AFAP1: variants seen among roughly 807,000 people sequenced by gnomAD.
The protein encoded by AFAP1 is actin filament-associated protein 1.
In AFAP1, 75 loss-of-function variants were observed where a neutral mutation model predicts 93.9. The ratio of observed to expected loss-of-function variants is 0.80; its 90% confidence interval spans 0.66 to 0.97. The LOEUF (loss-of-function observed/expected upper bound fraction) is 0.97, where lower values mean the gene tolerates loss of function less well. Among genes scored for constraint, AFAP1 ranks in the 50% least tolerant of loss-of-function variants. AFAP1 has a pLI of 0.00. For missense variants in AFAP1, 1,201 were observed against 1,050.8 expected, an observed-to-expected ratio of 1.14 and a Z score of -1.98; for synonymous variants, 517 against 430.7, an observed-to-expected ratio of 1.20 and a Z score of -2.48.
rs375065592 is a variant in AFAP1, at chr4:7,786,288, G to C, written c.1436C>G (p.Ser479Cys). The change falls in exon 12 of 18, where the codon TCT becomes TGT. Residue 479 changes from serine (S) to cysteine (C), a missense_variant. Coordinates refer to ENST00000420658, the MANE Select transcript of AFAP1 (RefSeq NM_001134647.2). Reference sequence around the variant, plus strand: ...GGTGCCCCCTAGATATGGGTTAGCAGATATAACACGCCTGTTCATGAAACT... The same window carrying C: ...GGTGCCCCCTAGATATGGGTTAGCACATATAACACGCCTGTTCATGAAACT... ...TFCFMNRRVI[S>C]ANPYLGGTSN... is the part of the protein sequence containing the mutation. 8 of 1,614,122 alleles carry C rather than the reference G, an allele frequency of 5.0e-6. No individual in the cohort carries two copies. In the South Asian group the frequency reaches 7.7e-5, roughly 16 times the overall value.
At chr4:7,938,866 C>T (rs1721544009) in intron 1 of AFAP1, 1 of 152,144 alleles carries the variant, frequency 6.6e-6, no homozygotes, top group Non-Finnish European at 1.5e-5. Context: ...GTGACAGCCC[C>T]GCGCCCCCCG....
chr4:7,874,346 T>C (rs528483079), intron 1 of AFAP1, among the ~76,000 whole-genome samples: 24 of 141,912 alleles, frequency 1.7e-4, no homozygotes, highest in African/African-American at 5.4e-4. Flanking sequence ...GGAGGTCAGA[T>C]TGCCTTTTTC....
chr4:7,802,073 G>A (rs1188220099), intron 9 of AFAP1, among the ~76,000 whole-genome samples: 2 of 151,428 alleles, frequency 1.3e-5, no homozygotes, highest in East Asian at 3.9e-4. Context: ...GTATGTTCAG[G>A]ACCCAGAATG....
intron 15 of AFAP1, chr4:7,773,219 G>T: frequency 1.4e-6 from 1 of 740,050 alleles, no homozygotes; most frequent in Non-Finnish European, 2.1e-6. Context: ...AGCCGTTGAG[G>T]ACTCGGACCA....
chr4:7,770,073 A>G (rs1178869441), intron 16 of AFAP1, among the ~76,000 whole-genome samples: 2 of 152,224 alleles, frequency 1.3e-5, no homozygotes, highest in East Asian at 1.9e-4. Context: ...GCAGCGGTGC[A>G]GAGTGCTTCC....
At chr4:7,925,531 G>T (rs947500910) in intron 1 of AFAP1, among the ~76,000 whole-genome samples, 6 of 151,934 alleles carry the variant, frequency 3.9e-5, no homozygotes, top group Non-Finnish European at 7.4e-5. Context: ...TGACCAACAA[G>T]GAAAAACCCC....
chr4:7,865,416 T>C (rs545993952), intron 3 of AFAP1, among the ~76,000 whole-genome samples: 11 of 152,336 alleles, frequency 7.2e-5, no homozygotes, highest in African/African-American at 2.6e-4. Context: ...AAAGCACATG[T>C]AATGTATACC....
intron 1 of AFAP1, among the ~76,000 whole-genome samples, chr4:7,928,456 C>T (rs745867029): frequency 3.3e-5 from 5 of 152,220 alleles, no homozygotes; most frequent in Middle Eastern, 3.4e-3. Flanking sequence ...GACGCCATCT[C>T]GGCTCACTGC....
At chr4:7,774,239 C>T (rs966768851) in intron 15 of AFAP1, 4 of 153,864 alleles carry the variant, frequency 2.6e-5, no homozygotes, top group Admixed American at 6.5e-5. Context: ...CTGGCCTCTT[C>T]CCTGATGCAT....
At chr4:7,775,653 A>C (rs376939899) in intron 14 of AFAP1, 1 of 152,328 alleles carries the variant, frequency 6.6e-6, no homozygotes, top group East Asian at 1.9e-4. Flanking sequence ...ATGAAGAGGC[A>C]ACCAGGAGCG....
intron 5 of AFAP1, 25 bp downstream of exon 5, chr4:7,843,114 A>AG: frequency 6.2e-7 from 1 of 1,609,646 alleles, no homozygotes; most frequent in Non-Finnish European, 8.5e-7. Flanking sequence ...CTTACAAAAA[A>AG]TGCAAGCGAT....
At chr4:7,875,636 G>C (rs556462430) in intron 1 of AFAP1, among the ~76,000 whole-genome samples, 2 of 151,368 alleles carry the variant, frequency 1.3e-5, no homozygotes, top group South Asian at 4.2e-4. Flanking sequence ...AAAAATGGAG[G>C]TGGGGGGCGG....
intron 6 of AFAP1, among the ~76,000 whole-genome samples, chr4:7,832,895 A>T (rs1416017709): frequency 6.6e-6 from 1 of 152,178 alleles, no homozygotes; most frequent in African/African-American, 2.4e-5. Context: ...AAAAACATAA[A>T]GTGGGGAAAA....
chr4:7,913,953 G>A (rs2149228768), intron 1 of AFAP1, among the ~76,000 whole-genome samples: 1 of 152,192 alleles, frequency 6.6e-6, no homozygotes, highest in African/African-American at 2.4e-5. Context: ...TACATGTAAT[G>A]TATGTGATCA....
At chr4:7,882,395 TC>T (rs1387149286) in intron 1 of AFAP1, among the ~76,000 whole-genome samples, 3 of 111,720 alleles carry the variant, frequency 2.7e-5, no homozygotes, top group Admixed American at 2.6e-4. Flanking sequence ...ATAACCAAAT[TC>T]TTTTTTTTTT....
At chr4:7,789,630 T>C (rs1005994353) in intron 11 of AFAP1, among the ~76,000 whole-genome samples, 1 of 146,962 alleles carries the variant, frequency 6.8e-6, no homozygotes, top group Non-Finnish European at 1.5e-5. Flanking sequence ...CACCATCCCA[T>C]CCGTGCATCT....
At chr4:7,931,921 C>T (rs753642425) in intron 1 of AFAP1, among the ~76,000 whole-genome samples, 2 of 151,914 alleles carry the variant, frequency 1.3e-5, no homozygotes, top group African/African-American at 2.4e-5. Flanking sequence ...AGTGCAGTGG[C>T]GCGATCTTGG....
intron 1 of AFAP1, among the ~76,000 whole-genome samples, chr4:7,879,949 G>A (rs867451368): frequency 6.6e-6 from 1 of 152,050 alleles, no homozygotes; most frequent in African/African-American, 2.4e-5. Flanking sequence ...CCAGACATGC[G>A]CCCCGCCGCC....
At chr4:7,806,109 A>C (rs1719489187) in intron 9 of AFAP1, among the ~76,000 whole-genome samples, 1 of 152,146 alleles carries the variant, frequency 6.6e-6, no homozygotes, top group Non-Finnish European at 1.5e-5. Context: ...ATAAGAGATA[A>C]ATTTTGGTCA....
Sources: gnomAD v4.1 joint callset for allele counts (sites outside exome capture counted in the v4.1 genomes callset) on GRCh38, gnomAD v4.1.1 for gene constraint, MANE v1.5 for transcripts, NCBI Gene and HGNC (gene_info 2026-07-23, HGNC 2026-07-21) for gene names.